Variants in NEURL1B observed in about 807,000 individuals in gnomAD.
NEURL1B encodes neuralized E3 ubiquitin protein ligase 1B, also known as E3 ubiquitin-protein ligase NEURL1B.
NEURL1B carries 13 observed loss-of-function variants against 37.4 expected under a neutral mutation model. That is an observed-to-expected ratio of 0.35 (90% CI 0.23 to 0.55). The LOEUF is 0.55. Among genes scored for constraint, NEURL1B ranks in the 20% least tolerant of loss-of-function variants. NEURL1B has a pLI of 0.89. For missense variants in NEURL1B, 790 were observed against 879.2 expected (o/e 0.90, Z 1.28); for synonymous variants, 432 against 426.6 (o/e 1.01, Z -0.16).
In NEURL1B at chr5:172,687,321, A is replaced by C; in HGVS notation, c.*396A>C. The C allele has an allele frequency of 5.8e-6, 1 of 171,742 alleles. No individual in the cohort carries two copies. Among genetic ancestry groups the C allele is most frequent in the Non-Finnish European group, 1.2e-5 (1 of 80,218 alleles). The allele number at this position is 171,742 out of a possible 1,614,324, so 10.6% of individuals were successfully genotyped here. A position where few individuals can be genotyped will look rare whatever the true frequency, so the allele number is the denominator to read the frequency against. ...TGTGAGAGAGAGAGAGAGAGAATGA[A>C]CGTGTAGCGATTTTACCAGGGGTCC... On this transcript the variant is annotated 3_prime_UTR_variant, in exon 5 of 5. Coordinates refer to ENST00000369800, the MANE Select transcript of NEURL1B (RefSeq NM_001142651.3).
At chr5:172,655,867 G>T (rs1581423116) in intron 1 of NEURL1B, among the ~76,000 whole-genome samples, 3 of 152,220 alleles carry the variant, frequency 2.0e-5, no homozygotes, top group African/African-American at 7.2e-5. Flanking sequence ...CCCCCTGAGG[G>T]GAATATAATC....
chr5:172,643,052 A>G (rs1488048725), intron 1 of NEURL1B, among the ~76,000 whole-genome samples: 4 of 152,256 alleles, frequency 2.6e-5, no homozygotes, highest in South Asian at 2.1e-4. Flanking sequence ...GTAAAGGGAC[A>G]GACACACGCC....
At chr5:172,649,653 C>T (rs1757624687) in intron 1 of NEURL1B, among the ~76,000 whole-genome samples, 1 of 152,164 alleles carries the variant, frequency 6.6e-6, no homozygotes, top group South Asian at 2.1e-4. Context: ...TGAGCCACCA[C>T]TCCTGCCTGG....
Position 172,670,052 on chromosome 5 carries a change from G to C in NEURL1B, c.299G>C (p.Gly100Ala). The stretch of plus-strand genomic sequence containing the variant: ...GGCTGGAGCGGCGCGCTGCGCTTCG[G>C]CTTCACCGCGCACGATCCGTCGCTC... ...RPGWSGALRF[G>A]FTAHDPSLMS... Residue 100 changes from glycine (G) to alanine (A), a missense_variant, in exon 2 of 5, where the codon GGC becomes GCC. Physicochemically the swap from Gly to Ala is moderately conservative, Grantham distance 60. Coordinates refer to ENST00000369800, the MANE Select transcript of NEURL1B (RefSeq NM_001142651.3). The C allele has an allele frequency of 6.6e-7, 1 of 1,515,434 alleles. No homozygotes were observed. Among genetic ancestry groups the C allele is most frequent in the Non-Finnish European group, 8.8e-7 (1 of 1,137,752 alleles). 93.9% of individuals were successfully genotyped at this position (1,515,434 alleles called of 1,614,324 possible).
Position 172,683,149 on chromosome 5 carries a change from A to C in NEURL1B, c.578-270A>C, listed in dbSNP as rs993544428. On this transcript the variant is annotated intron_variant, in intron 2 of 4. Transcript: ENST00000369800. The surrounding 1 kb of genome is among the most constrained non-coding windows in gnomAD (Gnocchi z 5.6). ...GAGGGATGGAAGAAGAGAAAGGAGG[A>C]GGCAGGGGAAAAAGGGCCTTATCTG... Among the ~76,000 whole-genome samples the C allele has an allele frequency of 5.3e-5, 8 of 152,182 alleles. No homozygotes were observed. The highest frequency in any genetic ancestry group is 1.7e-4 in the African/African-American group (7 of 41,436).
intron 3 of NEURL1B, among the ~76,000 whole-genome samples, chr5:172,685,489 C>T (rs1758474828): frequency 6.6e-6 from 1 of 152,202 alleles, no homozygotes; most frequent in African/African-American, 2.4e-5. Context: ...TCTGAACCAA[C>T]AGCAAGCTTG....
chr5:172,667,482 ATTTGT>A (rs1758039122), intron 1 of NEURL1B, among the ~76,000 whole-genome samples: 1 of 151,806 alleles, frequency 6.6e-6, no homozygotes, highest in Non-Finnish European at 1.5e-5. Flanking sequence ...GCCTTTTTCA[ATTTGT>A]TTTATCTATT....
At chr5:172,674,008 C>T (rs1487437482) in intron 2 of NEURL1B, among the ~76,000 whole-genome samples, 1 of 151,884 alleles carries the variant, frequency 6.6e-6, no homozygotes, top group Non-Finnish European at 1.5e-5. Flanking sequence ...GCCACGGTGG[C>T]AGGCACCTGT....
Position 172,683,186 on chromosome 5 carries a change from G to A in NEURL1B, c.578-233G>A, listed in dbSNP as rs76590304. Among the ~76,000 whole-genome samples the A allele has an allele frequency of 0.039, 5,980 of 152,226 alleles. 181 individuals carry two copies. Among genetic ancestry groups the A allele is most frequent in the Non-Finnish European group, 0.058 (3,952 of 67,984 alleles). ...AAGGGCCTTATCTGCCGCTCCCAAA[G>A]GTAAGAGCATGTCAAGGAAACCGAG... On this transcript the variant is annotated intron_variant, in intron 2 of 4. Coordinates refer to ENST00000369800, the MANE Select transcript of NEURL1B (RefSeq NM_001142651.3). The surrounding 1 kb of genome is among the most constrained non-coding windows in gnomAD (Gnocchi z 5.6).
chr5:172,667,789 G>T (rs28463750), intron 1 of NEURL1B, among the ~76,000 whole-genome samples: 35,229 of 151,700 alleles, frequency 0.23, 6,350 homozygotes, highest in African/African-American at 0.51. Context: ...CTTCAATAAG[G>T]TCTCATTGCA....
chr5:172,680,426 G>T (rs1395817886), intron 2 of NEURL1B, among the ~76,000 whole-genome samples: 2 of 152,102 alleles, frequency 1.3e-5, no homozygotes, highest in Admixed American at 6.5e-5. Context: ...TGGCGGGGGG[G>T]AAGGAGCAGG....
At chr5:172,677,007 A>C (rs1423853159) in intron 2 of NEURL1B, among the ~76,000 whole-genome samples, 8 of 151,840 alleles carry the variant, frequency 5.3e-5, no homozygotes, top group Non-Finnish European at 1.0e-4. Context: ...GGCCCAGAGA[A>C]AGGCAGGGAC....
At chr5:172,669,504 G>A (rs191511516) in intron 1 of NEURL1B, among the ~76,000 whole-genome samples, 1 of 151,500 alleles carries the variant, frequency 6.6e-6, no homozygotes, top group African/African-American at 2.4e-5. Flanking sequence ...TGGGCTCTTG[G>A]TGTTGGCGCC....
chr5:172,655,604 C>T (rs946225943), intron 1 of NEURL1B, among the ~76,000 whole-genome samples: 1 of 152,206 alleles, frequency 6.6e-6, no homozygotes, highest in Non-Finnish European at 1.5e-5. Flanking sequence ...ACATTTAGCC[C>T]TCCAGAATTT....
intron 2 of NEURL1B, among the ~76,000 whole-genome samples, chr5:172,681,760 C>T (rs941934505): frequency 2.0e-5 from 3 of 152,194 alleles, no homozygotes; most frequent in Non-Finnish European, 4.4e-5. Flanking sequence ...AAAGCATGTG[C>T]ATTCTTATGA....
At chr5:172,653,862 G>A (rs1243225139) in intron 1 of NEURL1B, among the ~76,000 whole-genome samples, 1 of 150,796 alleles carries the variant, frequency 6.6e-6, no homozygotes, top group Non-Finnish European at 1.5e-5. Context: ...TTTCTTTCAC[G>A]ACTTTCAGAC....
chr5:172,686,787 G>GGTGGACACGGTCATCTACACGT lies in NEURL1B; in HGVS notation c.1539_1560dup (p.Met521GlyfsTer38), dbSNP rs1561654951. On this transcript the variant is annotated frameshift_variant, in exon 5 of 5. Coordinates refer to ENST00000369800, the MANE Select transcript of NEURL1B (RefSeq NM_001142651.3). LOFTEE classifies it high-confidence loss of function. This position sits in a 1 kb window ranked among gnomAD's most constrained non-coding sequence, Gnocchi z 7.9. Reference sequence around the variant, plus strand: ...AGTGCACGGTGTGCTTCGATGGCGAGGTGGACACGGTCATCTACACGTGTG... The same window carrying GGTGGACACGGTCATCTACACGT: ...AGTGCACGGTGTGCTTCGATGGCGAGGTGGACACGGTCATCTACACGTGTGGACACGGTCATCTACACGTGTG... 1 of 1,551,956 alleles carries GGTGGACACGGTCATCTACACGT rather than the reference G, an allele frequency of 6.4e-7. No individual in the cohort carries two copies. Among genetic ancestry groups the GGTGGACACGGTCATCTACACGT allele is most frequent in the Non-Finnish European group, 8.7e-7 (1 of 1,147,334 alleles).
chr5:172,675,181 G>A lies in NEURL1B; in HGVS notation c.577+4851G>A, dbSNP rs1371120155. ...CATGAGCCACCATGCCTGGCCGAATGTATCTTTTAAAAATAGGTAGATTTG... is the reference window on the plus strand; with the variant it reads ...CATGAGCCACCATGCCTGGCCGAATATATCTTTTAAAAATAGGTAGATTTG... On this transcript the variant is annotated intron_variant, in intron 2 of 4. Transcript: ENST00000369800. This position sits in a 1 kb window ranked among gnomAD's most constrained non-coding sequence, Gnocchi z 4.7. Among the ~76,000 whole-genome samples the A allele has an allele frequency of 6.6e-6, 1 of 152,156 alleles. No homozygotes were observed. The highest frequency in any genetic ancestry group is 2.1e-4 in the South Asian group (1 of 4,820).
intron 2 of NEURL1B, among the ~76,000 whole-genome samples, chr5:172,679,801 T>C (rs1758311140): frequency 6.6e-6 from 1 of 152,160 alleles, no homozygotes; most frequent in Admixed American, 6.5e-5. Flanking sequence ...AGATCCCTTA[T>C]CTCCAGGTCG....
Sources: gnomAD v4.1 joint callset for allele counts (sites outside exome capture counted in the v4.1 genomes callset) on GRCh38, gnomAD v4.1.1 for gene constraint, Gnocchi (gnomAD v3.1) non-coding constraint, MANE v1.5 for transcripts, NCBI Gene and HGNC (gene_info 2026-07-23, HGNC 2026-07-21) for gene names.